SLCO3A1: variants seen among roughly 807,000 people sequenced by gnomAD.
SLCO3A1 encodes the protein solute carrier organic anion transporter family member 3A1.
A neutral mutation model predicts 63.1 loss-of-function variants in SLCO3A1; 27 were observed. The observed-to-expected ratio is 0.43, with a 90% CI of 0.32 to 0.59. SLCO3A1 has a LOEUF of 0.59. Among genes scored for constraint, SLCO3A1 ranks in the 20% least tolerant of loss-of-function variants. SLCO3A1 has a pLI of 0.09. For synonymous variants in SLCO3A1, 473 were observed against 409.9 expected (o/e 1.15, Z -1.86); for missense variants, 773 against 945.8 (o/e 0.82, Z 2.40).
At chr15:92,052,236 C>T (rs2046966967) in intron 2 of SLCO3A1, among the ~76,000 whole-genome samples, 1 of 152,142 alleles carries the variant, frequency 6.6e-6, no homozygotes, top group African/African-American at 2.4e-5. Flanking sequence ...CTGTCATCCA[C>T]CTTGAGATGG....
intron 2 of SLCO3A1, among the ~76,000 whole-genome samples, chr15:92,092,608 C>G (rs1257523535): frequency 2.0e-5 from 3 of 152,056 alleles, no homozygotes; most frequent in African/African-American, 7.2e-5. Context: ...TCTCTCTGGT[C>G]TAGTGTGGGT....
At chr15:92,080,904 G>A (rs993898437) in intron 2 of SLCO3A1, among the ~76,000 whole-genome samples, 8 of 150,104 alleles carry the variant, frequency 5.3e-5, no homozygotes, top group Non-Finnish European at 8.9e-5. Flanking sequence ...GCGGGGGAAG[G>A]TAGGTATTTT....
chr15:92,062,500 G>T (rs550060604), intron 2 of SLCO3A1, among the ~76,000 whole-genome samples: 1 of 152,296 alleles, frequency 6.6e-6, no homozygotes, highest in Middle Eastern at 3.4e-3. Flanking sequence ...TTGAGGAGGG[G>T]GTTCGTGTGG....
chr15:91,893,923 T>C (rs553309038), intron 1 of SLCO3A1, among the ~76,000 whole-genome samples: 2 of 152,294 alleles, frequency 1.3e-5, no homozygotes, highest in Admixed American at 1.3e-4. Context: ...AAGCACACAG[T>C]GAACAGGACA....
chr15:92,034,145 A>G (rs2046693325), intron 2 of SLCO3A1, among the ~76,000 whole-genome samples: 1 of 151,380 alleles, frequency 6.6e-6, no homozygotes, highest in Non-Finnish European at 1.5e-5. Context: ...TGAGGAGGAA[A>G]GTGGGGGCTG....
At chr15:91,993,728 G>T (rs1012076776) in intron 2 of SLCO3A1, among the ~76,000 whole-genome samples, 7 of 152,112 alleles carry the variant, frequency 4.6e-5, no homozygotes, top group African/African-American at 1.7e-4. Context: ...CTCCCATAAT[G>T]AATAAGGCTG....
intron 9 of SLCO3A1, among the ~76,000 whole-genome samples, chr15:92,154,091 G>A (rs1229577976): frequency 6.6e-6 from 1 of 152,232 alleles, no homozygotes; most frequent in Non-Finnish European, 1.5e-5. Flanking sequence ...TAAGAACATG[G>A]CTGAAGAAGT....
intron 2 of SLCO3A1, among the ~76,000 whole-genome samples, chr15:91,939,935 C>T (rs771456458): frequency 6.6e-6 from 1 of 152,144 alleles, no homozygotes; most frequent in Non-Finnish European, 1.5e-5. Flanking sequence ...TAGTCACTTG[C>T]CTGGGGTCAC....
intron 1 of SLCO3A1, among the ~76,000 whole-genome samples, chr15:91,864,023 C>A (rs1342795504): frequency 6.6e-6 from 1 of 152,230 alleles, no homozygotes; most frequent in African/African-American, 2.4e-5. Context: ...TGCAGCTTTG[C>A]AGCTTGCACT....
chr15:92,035,435 A>C (rs1234498133), intron 2 of SLCO3A1, among the ~76,000 whole-genome samples: 1 of 151,836 alleles, frequency 6.6e-6, no homozygotes, highest in Non-Finnish European at 1.5e-5. Context: ...AAACTCATGG[A>C]AATATGCACA....
intron 2 of SLCO3A1, among the ~76,000 whole-genome samples, chr15:92,076,725 G>T (rs1055341730): frequency 2.0e-5 from 3 of 152,220 alleles, no homozygotes; most frequent in Non-Finnish European, 2.9e-5. Flanking sequence ...GGGAGGCCCT[G>T]AGCCAGGTCC....
intron 2 of SLCO3A1, among the ~76,000 whole-genome samples, chr15:91,975,266 A>C (rs1901055987): frequency 8.1e-6 from 1 of 124,070 alleles, no homozygotes; most frequent in Non-Finnish European, 1.8e-5. Flanking sequence ...ATTTTAAAAA[A>C]TTGAATTTGA....
chr15:92,104,637 G>C, intron 4 of SLCO3A1, 95 bp downstream of exon 4: 5 of 1,284,440 alleles, frequency 3.9e-6, no homozygotes, highest in East Asian at 2.5e-5. Context: ...GGGGTGCTTG[G>C]GGACTTGGTG....
chr15:91,998,587 G>A (rs1270680920), intron 2 of SLCO3A1, among the ~76,000 whole-genome samples: 1 of 152,128 alleles, frequency 6.6e-6, no homozygotes, highest in Non-Finnish European at 1.5e-5. Context: ...GAACCACAAC[G>A]AGATACCATC....
chr15:92,155,588 A>G (rs1373391689), intron 9 of SLCO3A1, among the ~76,000 whole-genome samples: 2 of 152,012 alleles, frequency 1.3e-5, no homozygotes, highest in African/African-American at 2.4e-5. Flanking sequence ...GTAGAGCAGC[A>G]GGTGAGCAGG....
chr15:91,922,504 A>G (rs1455388496), intron 2 of SLCO3A1, among the ~76,000 whole-genome samples: 1 of 152,240 alleles, frequency 6.6e-6, no homozygotes, highest in Non-Finnish European at 1.5e-5. Flanking sequence ...GGGCCCCCGA[A>G]TACTGGCCAG....
At chr15:92,105,659 G>A (rs970984116) in intron 4 of SLCO3A1, among the ~76,000 whole-genome samples, 2 of 152,140 alleles carry the variant, frequency 1.3e-5, no homozygotes, top group East Asian at 3.9e-4. Context: ...TAATGCACAC[G>A]ACTCCTTGCT....
intron 2 of SLCO3A1, among the ~76,000 whole-genome samples, chr15:91,946,428 C>G (rs564577624): frequency 2.0e-5 from 3 of 152,304 alleles, no homozygotes; most frequent in African/African-American, 7.2e-5. Context: ...GCACTCCGGG[C>G]CCTGGTAGAC....
intron 2 of SLCO3A1, among the ~76,000 whole-genome samples, chr15:92,066,378 T>G (rs2047152023): frequency 6.6e-6 from 1 of 152,326 alleles, no homozygotes; most frequent in Admixed American, 6.5e-5. Flanking sequence ...TGTTGTGCTG[T>G]TTCTGGCATT....
Sources: gnomAD v4.1 joint callset for allele counts (sites outside exome capture counted in the v4.1 genomes callset) on GRCh38, gnomAD v4.1.1 for gene constraint, MANE v1.5 for transcripts, NCBI Gene and HGNC (gene_info 2026-07-23, HGNC 2026-07-21) for gene names.